Variants in WDR20 observed in about 807,000 individuals in gnomAD.
The protein encoded by WDR20 is WD repeat-containing protein 20.
In WDR20, 3 loss-of-function variants were observed where a neutral mutation model predicts 38.7. That is an observed-to-expected ratio of 0.08 (90% CI 0.04 to 0.20). WDR20 has a LOEUF of 0.20. WDR20 is among the 10% of genes least tolerant of loss of function. The pLI is 1.00. For synonymous variants in WDR20, 298 were observed against 285.6 expected (o/e 1.04, Z -0.44); for missense variants, 559 against 727.7 (o/e 0.77, Z 2.67).
At chr14:102,185,577 C>T (rs888992456) in intron 1 of WDR20, among the ~76,000 whole-genome samples, 11 of 152,078 alleles carry the variant, frequency 7.2e-5, no homozygotes, top group African/African-American at 2.7e-4. Context: ...TTCTTGTTTA[C>T]AAAATGGGAG....
At position 102,209,242 on chromosome 14, in the gene WDR20, A is replaced by G. The variant is rs778096044; in HGVS notation, c.1072A>G (p.Thr358Ala). 4.3e-6 allele frequency: 7 copies of G among 1,614,180 alleles called. No individual in the cohort carries two copies. The highest frequency in any genetic ancestry group is 2.2e-5 in the South Asian group (2 of 91,074). Reference protein sequence around the residue: ...TQSRLSKRNSTDSRPVSVTYR... With the variant: ...TQSRLSKRNSADSRPVSVTYR... ...GTCCAGGCTCTCCAAACGGAACTCT[A>G]CAGACAGCCGCCCCGTAAGTGTCAC... The change falls in exon 3 of 3, where the codon ACA (threonine) becomes GCA (alanine). Residue 358 changes from threonine (T) to alanine (A), a missense_variant. Coordinates refer to ENST00000342702, the MANE Select transcript of WDR20 (RefSeq NM_144574.4). The surrounding 1 kb of genome is among the most constrained non-coding windows in gnomAD (Gnocchi z 6.0).
chr14:102,182,179 T>G (rs541064136), intron 1 of WDR20, among the ~76,000 whole-genome samples: 5 of 152,248 alleles, frequency 3.3e-5, no homozygotes, highest in African/African-American at 1.2e-4. Flanking sequence ...TAAATATATA[T>G]TAGAGAAAAA....
rs1433747326 is a variant in WDR20, at chr14:102,209,331, C to T, written c.1161C>T (p.Ile387=). 2 of 1,614,152 alleles carry T rather than the reference C, an allele frequency of 1.2e-6. No individual in the cohort carries two copies. Among genetic ancestry groups the T allele is most frequent in the Non-Finnish European group, 8.5e-7 (1 of 1,180,044 alleles). Residue 387 remains isoleucine, a synonymous_variant, in exon 3 of 3, where the codon ATC becomes ATT. Coordinates refer to ENST00000342702, the MANE Select transcript of WDR20 (RefSeq NM_144574.4). This position sits in a 1 kb window ranked among gnomAD's most constrained non-coding sequence, Gnocchi z 6.0. ...QLCLWDLTED[I]LFPHQPLSRA... ...GTTTATGGGACCTTACAGAAGATAT[C>T]CTTTTCCCTCACCAACCCCTCTCAA...
chr14:102,161,498 T>C (rs2058745482), intron 1 of WDR20, among the ~76,000 whole-genome samples: 1 of 151,924 alleles, frequency 6.6e-6, no homozygotes. Context: ...GTTTTTTGTA[T>C]AGACAGGGTT....
chr14:102,173,305 G>A (rs2061353761), intron 1 of WDR20, among the ~76,000 whole-genome samples: 1 of 151,192 alleles, frequency 6.6e-6, no homozygotes, highest in Non-Finnish European at 1.5e-5. Flanking sequence ...GTAGAGATGA[G>A]GTCTCACCAT....
chr14:102,190,397 T>G (rs541437048), intron 1 of WDR20, among the ~76,000 whole-genome samples: 30 of 151,608 alleles, frequency 2.0e-4, no homozygotes, highest in Middle Eastern at 3.4e-3. Context: ...CTGTCTCTAC[T>G]AAAAATACCA....
intron 2 of WDR20, among the ~76,000 whole-genome samples, chr14:102,204,623 C>T (rs2061168452): frequency 6.6e-6 from 1 of 152,162 alleles, no homozygotes; most frequent in Non-Finnish European, 1.5e-5. Flanking sequence ...CTTCTTTTCT[C>T]ACTGATAATA....
intron 1 of WDR20, among the ~76,000 whole-genome samples, chr14:102,145,546 C>T (rs1197605130): frequency 6.6e-6 from 1 of 152,108 alleles, no homozygotes; most frequent in Admixed American, 6.6e-5. Context: ...TTGCAGGGGT[C>T]CAGCCTGGGC....
rs201133133 is a variant in WDR20 at position 102,170,577 on chromosome 14, AGTT to A, written c.250-24357_250-24355del. 5.1e-4 allele frequency among the ~76,000 whole-genome samples: 77 copies of A among 152,064 alleles called. 1 individual carries two copies. The East Asian group carries it at 0.012, about 24-fold the overall frequency. On this transcript the variant is annotated intron_variant, in intron 1 of 2. Transcript: ENST00000342702. ...TTAAGAGCCATCTGTATTTTCTATG[AGTT>A]GTTCATGTCCTGAACCCGCTTTTCT...
At chr14:102,142,119 C>T (rs2051445683) in intron 1 of WDR20, among the ~76,000 whole-genome samples, 2 of 152,222 alleles carry the variant, frequency 1.3e-5, no homozygotes, top group African/African-American at 4.8e-5. Context: ...TTATTTTAAA[C>T]AAGATAAATG....
downstream of WDR20, chr14:102,213,011 C>T (rs2062748829): frequency 5.0e-6 from 5 of 990,876 alleles, no homozygotes; most frequent in Non-Finnish European, 6.0e-6. Context: ...GCTGGAGAAT[C>T]CCGCTCCCAC....
At chr14:102,212,675 A>T, downstream of WDR20, 1 of 1,495,602 alleles carries the variant, frequency 6.7e-7, no homozygotes, top group African/African-American at 1.4e-5. Flanking sequence ...GCTCCCGCAG[A>T]CCTGGGGAGG....
In WDR20 at chr14:102,210,005, A is replaced by G. The variant is rs1419446962; in HGVS notation, c.*125A>G. The stretch of plus-strand genomic sequence containing the variant: ...ATGTAAATCTCAATGCATCAGAGCC[A>G]TAATTTTGGATACTGCATGCCATGT... On this transcript the variant is annotated 3_prime_UTR_variant, in exon 3 of 3. Transcript: ENST00000342702. 27 of 1,452,830 alleles carry G rather than the reference A, an allele frequency of 1.9e-5. No homozygotes were observed. The highest frequency in any genetic ancestry group is 2.4e-5 in the Non-Finnish European group (27 of 1,109,472). The allele number at this position is 1,452,830 out of a possible 1,614,324, so 90.0% of individuals were successfully genotyped here.
chr14:102,190,709 G>T (rs376820165), intron 1 of WDR20, among the ~76,000 whole-genome samples: 3 of 151,442 alleles, frequency 2.0e-5, no homozygotes, highest in East Asian at 2.0e-4. Context: ...ATAGAAATTA[G>T]GAGGCCACAG....
intron 1 of WDR20, among the ~76,000 whole-genome samples, chr14:102,159,069 A>G (rs2058090750): frequency 6.6e-6 from 1 of 151,918 alleles, no homozygotes; most frequent in Non-Finnish European, 1.5e-5. Flanking sequence ...CACACTCCCA[A>G]GTAGCTGGGA....
upstream of WDR20, chr14:102,139,540 C>G (rs1232706780): frequency 2.1e-5 from 19 of 919,450 alleles, no homozygotes; most frequent in Admixed American, 5.5e-4. Flanking sequence ...CCCTCAAGTT[C>G]ACCTCAGGCT....
intron 1 of WDR20, among the ~76,000 whole-genome samples, chr14:102,152,082 T>G (rs1224678868): frequency 6.6e-6 from 1 of 151,880 alleles, no homozygotes; most frequent in Non-Finnish European, 1.5e-5. Context: ...GCCCGGCTAA[T>G]TTCTGTATTT....
At chr14:102,172,279 C>A (rs1157730438) in intron 1 of WDR20, among the ~76,000 whole-genome samples, 4 of 150,696 alleles carry the variant, frequency 2.7e-5, no homozygotes, top group African/African-American at 9.7e-5. Flanking sequence ...TAGTACAGAA[C>A]AAAATGAAAA....
intron 1 of WDR20, among the ~76,000 whole-genome samples, chr14:102,163,627 CAAA>C (rs58628061): frequency 5.4e-4 from 34 of 62,822 alleles, no homozygotes; most frequent in East Asian, 2.2e-3. Flanking sequence ...GACTCTGTCT[CAAA>C]AAAAAAAAAA....
Sources: gnomAD v4.1 joint callset for allele counts (sites outside exome capture counted in the v4.1 genomes callset) on GRCh38, gnomAD v4.1.1 for gene constraint, Gnocchi (gnomAD v3.1) non-coding constraint, MANE v1.5 for transcripts, NCBI Gene and HGNC (gene_info 2026-07-23, HGNC 2026-07-21) for gene names.